The following CPNE8 variants were observed in gnomAD, a reference collection of about 807,000 sequenced individuals.
CPNE8 encodes the protein copine 8, also known as copine-8.
In CPNE8, 45 loss-of-function variants were observed where a neutral mutation model predicts 81.5. That is an observed-to-expected ratio of 0.55 (90% confidence interval 0.44 to 0.71). CPNE8 has a LOEUF of 0.71. CPNE8 is among the 30% of genes least tolerant of loss of function. The pLI is 0.00. For synonymous variants in CPNE8, 252 were observed against 226.3 expected (o/e 1.11, Z -1.02); for missense variants, 594 against 672.1 (o/e 0.88, Z 1.28).
At chr12:38,667,562 T>C (rs1939084822) in intron 19 of CPNE8, among the ~76,000 whole-genome samples, 1 of 152,196 alleles carries the variant, frequency 6.6e-6, no homozygotes, top group South Asian at 2.1e-4. Context: ...ACATCAAATC[T>C]CTAACTCAAT....
chr12:38,698,664 G>A (rs1480410820), intron 14 of CPNE8, among the ~76,000 whole-genome samples: 1 of 152,124 alleles, frequency 6.6e-6, no homozygotes, highest in Non-Finnish European at 1.5e-5. Context: ...GTCTTCCCCC[G>A]TTGCATTGTT....
chr12:38,852,533 C>T (rs910665590), intron 3 of CPNE8, among the ~76,000 whole-genome samples: 2 of 150,778 alleles, frequency 1.3e-5, no homozygotes, highest in South Asian at 2.1e-4. Flanking sequence ...ACCTAGGAGG[C>T]GGAGGTTGCG....
intron 6 of CPNE8, among the ~76,000 whole-genome samples, chr12:38,794,997 T>C (rs1434374064): frequency 1.3e-5 from 2 of 152,200 alleles, no homozygotes; most frequent in African/African-American, 4.8e-5. Flanking sequence ...GATCTTCTTC[T>C]TTCTCCTGTG....
chr12:38,895,116 G>C (rs985438631), intron 1 of CPNE8, among the ~76,000 whole-genome samples: 1 of 152,044 alleles, frequency 6.6e-6, no homozygotes, highest in African/African-American at 2.4e-5. Flanking sequence ...AGAGCATGAA[G>C]CTAATTAGCA....
chr12:38,834,743 T>C (rs1388032553), intron 5 of CPNE8, among the ~76,000 whole-genome samples: 5 of 152,144 alleles, frequency 3.3e-5, no homozygotes, highest in Admixed American at 1.3e-4. Context: ...ATCCAAACTC[T>C]TTTTTTAACT....
chr12:38,659,947 G>A (rs1446448411), intron 19 of CPNE8, among the ~76,000 whole-genome samples: 1 of 152,062 alleles, frequency 6.6e-6, no homozygotes, highest in Non-Finnish European at 1.5e-5. Context: ...ACAAACCACT[G>A]CTCAATGAAA....
chr12:38,847,242 A>G (rs1317448542), intron 4 of CPNE8, among the ~76,000 whole-genome samples: 1 of 152,158 alleles, frequency 6.6e-6, no homozygotes, highest in African/African-American at 2.4e-5. Flanking sequence ...AGAAAGGAAA[A>G]AACAAAGGGG....
chr12:38,675,892 G>A, intron 17 of CPNE8, 118 bp from the exon 18 acceptor site: 1 of 700,774 alleles, frequency 1.4e-6, no homozygotes, highest in South Asian at 1.7e-5. Context: ...GGCCAAAGAA[G>A]GAGGATTGCT....
intron 5 of CPNE8, among the ~76,000 whole-genome samples, chr12:38,833,079 G>A (rs1471357188): frequency 1.3e-5 from 2 of 151,990 alleles, no homozygotes; most frequent in Non-Finnish European, 2.9e-5. Context: ...TACACCAGGA[G>A]CAGTGGCTCA....
intron 8 of CPNE8, among the ~76,000 whole-genome samples, chr12:38,764,171 A>G (rs1941628475): frequency 6.6e-6 from 1 of 152,168 alleles, no homozygotes; most frequent in Admixed American, 6.5e-5. Context: ...AAGGCATTAC[A>G]AGTAAGACAG....
chr12:38,889,175 C>T (rs1447775254), intron 1 of CPNE8, among the ~76,000 whole-genome samples: 1 of 152,062 alleles, frequency 6.6e-6, no homozygotes, highest in Non-Finnish European at 1.5e-5. Context: ...ACACATTGGG[C>T]TCCAGGCCCT....
intron 10 of CPNE8, among the ~76,000 whole-genome samples, chr12:38,746,507 T>A (rs1941230006): frequency 6.6e-6 from 1 of 152,220 alleles, no homozygotes; most frequent in African/African-American, 2.4e-5. Flanking sequence ...GCTGAGGTGC[T>A]TCAGAGTTGA....
At chr12:38,724,396 C>T (rs1432578510) in intron 12 of CPNE8, among the ~76,000 whole-genome samples, 1 of 151,982 alleles carries the variant, frequency 6.6e-6, no homozygotes, top group Non-Finnish European at 1.5e-5. Flanking sequence ...ACATCTTTGC[C>T]TTCTGTACTG....
intron 6 of CPNE8, among the ~76,000 whole-genome samples, chr12:38,824,828 C>T (rs1252559103): frequency 6.6e-6 from 1 of 152,116 alleles, no homozygotes; most frequent in African/African-American, 2.4e-5. Flanking sequence ...AGTGCCCATC[C>T]AGATAGGGAA....
intron 15 of CPNE8, among the ~76,000 whole-genome samples, chr12:38,690,576 G>A (rs1025037635): frequency 2.0e-5 from 3 of 152,116 alleles, no homozygotes; most frequent in Non-Finnish European, 4.4e-5. Context: ...ACAGACTATG[G>A]TGTAAATAAC....
intron 19 of CPNE8, among the ~76,000 whole-genome samples, chr12:38,663,243 A>C (rs1938996972): frequency 6.6e-6 from 1 of 152,042 alleles, no homozygotes. Context: ...AGAATATGCA[A>C]TGAATTCAAA....
chr12:38,780,104 G>A (rs371882366), intron 6 of CPNE8, among the ~76,000 whole-genome samples: 3 of 151,964 alleles, frequency 2.0e-5, no homozygotes, highest in African/African-American at 7.2e-5. Context: ...TGTAAAGTAA[G>A]GGTCCAATTT....
At chr12:38,706,295 G>A (rs1940104089) in intron 13 of CPNE8, among the ~76,000 whole-genome samples, 1 of 151,994 alleles carries the variant, frequency 6.6e-6, no homozygotes, top group African/African-American at 2.4e-5. Flanking sequence ...TAATCCTCCT[G>A]AAAATCAATA....
chr12:38,793,038 T>C (rs1167640945), intron 6 of CPNE8, among the ~76,000 whole-genome samples: 1 of 151,812 alleles, frequency 6.6e-6, no homozygotes, highest in Non-Finnish European at 1.5e-5. Flanking sequence ...TCCAGTAGCC[T>C]TTTATGATAA....
Sources: allele counts gnomAD v4.1 joint callset (sites outside exome capture counted in the v4.1 genomes callset), GRCh38; gene constraint gnomAD v4.1.1; transcripts MANE v1.5; gene names NCBI Gene and HGNC (gene_info 2026-07-23, HGNC 2026-07-21).